The following FHAD1 variants were observed in gnomAD, a reference collection of about 807,000 sequenced individuals.
FHAD1 encodes forkhead associated phosphopeptide binding domain 1, also known as forkhead-associated domain-containing protein 1.
A neutral mutation model predicts 191.3 loss-of-function variants in FHAD1; 146 were observed. That is an observed-to-expected ratio of 0.76 (90% CI 0.67 to 0.88). The LOEUF (loss-of-function observed/expected upper bound fraction) is 0.88. Among genes scored for constraint, FHAD1 ranks in the 40% least tolerant of loss-of-function variants. The probability of loss-of-function intolerance (pLI) is 0.00; values close to 1 mark genes in which losing one functional copy is unlikely to be tolerated. For synonymous variants in FHAD1, 616 were observed against 672.3 expected (o/e 0.92, Z 1.29); for missense variants, 1,635 against 1,785.8 (o/e 0.92, Z 1.52).
chr1:15,307,315 A>G (rs1364293539), intron 6 of FHAD1, among the ~76,000 whole-genome samples: 1 of 152,208 alleles, frequency 6.6e-6, no homozygotes, highest in Non-Finnish European at 1.5e-5. Context: ...TTACAGGCTC[A>G]TAGGCGGGAA....
At chr1:15,374,255 G>A (rs1698934667) in intron 26 of FHAD1, among the ~76,000 whole-genome samples, 1 of 152,134 alleles carries the variant, frequency 6.6e-6, no homozygotes, top group Non-Finnish European at 1.5e-5. Flanking sequence ...AATAAAACGT[G>A]GAGAGGGAAC....
At chr1:15,307,318 G>A (rs956826393) in intron 6 of FHAD1, among the ~76,000 whole-genome samples, 3 of 152,176 alleles carry the variant, frequency 2.0e-5, no homozygotes. Context: ...CAGGCTCATA[G>A]GCGGGAAGGA....
At chr1:15,324,599 T>G in intron 11 of FHAD1, 40 bp downstream of exon 11, 1 of 1,400,710 alleles carries the variant, frequency 7.1e-7, no homozygotes. Flanking sequence ...GCCCACGCTC[T>G]CCAATGATTG....
At chr1:15,282,744 G>A (rs757276002) in intron 3 of FHAD1, among the ~76,000 whole-genome samples, 2 of 152,162 alleles carry the variant, frequency 1.3e-5, no homozygotes, top group African/African-American at 4.8e-5. Flanking sequence ...AATCTCATCT[G>A]TATTACTAAT....
At chr1:15,384,875 G>A (rs6700507) in intron 31 of FHAD1, among the ~76,000 whole-genome samples, 17,822 of 152,130 alleles carry the variant, frequency 0.12, 2,527 homozygotes, top group African/African-American at 0.34. Flanking sequence ...GCATCTGCCC[G>A]CTGAGAGGGG....
chr1:15,396,945 G>T (rs1352996168), intron 33 of FHAD1, among the ~76,000 whole-genome samples: 1 of 151,770 alleles, frequency 6.6e-6, no homozygotes, highest in Admixed American at 6.6e-5. Context: ...AGCACTTTGG[G>T]AGGCCAAGAC....
chr1:15,301,332 C>T lies in FHAD1; in HGVS notation c.806C>T (p.Ser269Leu). ...GTGGCTGAGCTGAGTCAGAAGGTGT[C>T]AGAGACCACCACCTCCAGGCAGAAT... ...NEVAELSQKV[S>L]ETTTSRQNEK... is the part of the protein sequence containing the mutation. Residue 269 changes from serine to leucine, a missense_variant, in exon 6 of 34, where the codon TCA becomes TTA. Transcript: ENST00000688493. The T allele has an allele frequency of 6.4e-7, 1 of 1,551,726 alleles. No individual in the cohort carries two copies. The highest frequency in any genetic ancestry group is 8.7e-7 in the Non-Finnish European group (1 of 1,147,012).
chr1:15,357,491 C>T (rs59170371), intron 20 of FHAD1, among the ~76,000 whole-genome samples: 2,953 of 152,082 alleles, frequency 0.019, 97 homozygotes, highest in African/African-American at 0.067. Context: ...GGTGTGGTAG[C>T]GTGTGCCTGT....
In FHAD1 at chr1:15,389,305, C is replaced by T. The variant is rs1703171301; in HGVS notation, c.4269+1174C>T. Among the ~76,000 whole-genome samples the T allele has an allele frequency of 2.6e-5, 4 of 151,738 alleles. No individual in the cohort carries two copies. The South Asian group carries it at 8.3e-4, about 32-fold the overall frequency. On this transcript the variant is annotated intron_variant, in intron 32 of 33. Transcript: ENST00000688493. ...TACAAAAGCACAAAAAATTAGCCAG[C>T]CATGGTGGCGTGCACCTGTAGTCCC...
At chr1:15,252,346 CT>C (rs1458202323) in intron 2 of FHAD1, among the ~76,000 whole-genome samples, 3 of 152,172 alleles carry the variant, frequency 2.0e-5, no homozygotes, top group African/African-American at 7.2e-5. Context: ...TTTATACTCA[CT>C]TTTAACTGCA....
intron 2 of FHAD1, among the ~76,000 whole-genome samples, chr1:15,255,637 A>G (rs376113159): frequency 2.4e-4 from 36 of 152,224 alleles, no homozygotes; most frequent in African/African-American, 7.9e-4. Context: ...TAGGAGACAG[A>G]CATAGGTCAG....
intron 20 of FHAD1, among the ~76,000 whole-genome samples, chr1:15,354,165 G>A (rs1368890698): frequency 1.3e-5 from 2 of 152,290 alleles, no homozygotes; most frequent in African/African-American, 4.8e-5. Flanking sequence ...GCAAACATTA[G>A]CATGCATTTG....
chr1:15,371,699 G>A (rs936589030), intron 26 of FHAD1, among the ~76,000 whole-genome samples: 3 of 152,206 alleles, frequency 2.0e-5, no homozygotes, highest in Admixed American at 6.5e-5. Flanking sequence ...GTTTACTGCC[G>A]GGGCAAACAC....
In FHAD1 at chr1:15,296,692, A is replaced by G. The variant is rs1462392915; in HGVS notation, c.577A>G (p.Asn193Asp). The G allele has an allele frequency of 6.4e-7, 1 of 1,552,236 alleles. No individual in the cohort carries two copies. Among genetic ancestry groups the G allele is most frequent in the Admixed American group, 2.0e-5 (1 of 51,006 alleles). Reference protein sequence around the residue: ...KPPVIKQVWTNAMKLSEKSVA... With the variant: ...KPPVIKQVWTDAMKLSEKSVA... ...CTGATCTCACGCCTTAGTGTGGACC[A>G]ATGCCATGAAACTGTCAGAAAAATC... The change falls in exon 5 of 34, where the codon AAT (asparagine) becomes GAT (aspartate). Residue 193 changes from asparagine to aspartate, a missense_variant. Transcript: ENST00000688493.
chr1:15,344,245 C>G (rs1687967560), intron 16 of FHAD1, among the ~76,000 whole-genome samples: 1 of 152,210 alleles, frequency 6.6e-6, no homozygotes, highest in African/African-American at 2.4e-5. Flanking sequence ...CCTTCTGACT[C>G]CCATCACCTG....
intron 19 of FHAD1, among the ~76,000 whole-genome samples, chr1:15,352,487 T>C (rs1279854343): frequency 6.6e-6 from 1 of 152,148 alleles, no homozygotes; most frequent in Non-Finnish European, 1.5e-5. Context: ...TCCCCAGCAC[T>C]GTCTCTCCTG....
intron 28 of FHAD1, among the ~76,000 whole-genome samples, chr1:15,378,297 A>C (rs976657037): frequency 2.0e-5 from 3 of 152,182 alleles, no homozygotes; most frequent in African/African-American, 4.8e-5. Flanking sequence ...AAAAAAGAAA[A>C]GAAGAGAAAG....
chr1:15,382,554 C>T (rs758482437), intron 31 of FHAD1, among the ~76,000 whole-genome samples: 5 of 152,056 alleles, frequency 3.3e-5, no homozygotes, highest in Admixed American at 6.6e-5. Context: ...CGGTAGACAC[C>T]CAGTAAATAT....
In FHAD1 at chr1:15,324,756, G is replaced by A. The variant is rs901360468; in HGVS notation, c.1473+197G>A. 3 of 587,956 alleles carry A rather than the reference G, an allele frequency of 5.1e-6. No homozygotes were observed. The East Asian group carries it at 8.5e-5, about 17-fold the overall frequency. The allele number at this position is 587,956 out of a possible 1,614,324, so 36.4% of individuals were successfully genotyped here. A position where few individuals can be genotyped will look rare whatever the true frequency, so the allele number is the denominator to read the frequency against. ...TCGCTTAACAGGTTTCTGCTGCTGG[G>A]AGGCCTCCCACTCGAATAGTTTACG... On this transcript the variant is annotated intron_variant, in intron 11 of 33. Coordinates refer to ENST00000688493, the MANE Select transcript of FHAD1 (RefSeq NM_001391957.1).
Sources: gnomAD v4.1 joint callset for allele counts (sites outside exome capture counted in the v4.1 genomes callset) on GRCh38, gnomAD v4.1.1 for gene constraint, MANE v1.5 for transcripts, NCBI Gene and HGNC (gene_info 2026-07-23, HGNC 2026-07-21) for gene names.